The following RBMS3 variants were observed in gnomAD, a reference collection of about 807,000 sequenced individuals.
The protein encoded by RBMS3 is RNA binding motif single stranded interacting protein 3.
RBMS3 carries 27 observed loss-of-function variants against 66.8 expected under a neutral mutation model. The observed-to-expected ratio is 0.40, with a 90% CI of 0.30 to 0.56. RBMS3 has a LOEUF of 0.56. Ranked by LOEUF, RBMS3 falls within the 20% of genes least tolerant of loss-of-function variation. RBMS3 has a pLI of 0.40. For synonymous variants in RBMS3, 188 were observed against 183.0 expected, an observed-to-expected ratio of 1.03 and a Z score of -0.22; for missense variants, 513 against 549.5, an observed-to-expected ratio of 0.93 and a Z score of 0.66.
chr3:29,940,583 T>A (rs1355325165), intron 11 of RBMS3, among the ~76,000 whole-genome samples: 2 of 151,822 alleles, frequency 1.3e-5, no homozygotes, highest in African/African-American at 4.8e-5. Flanking sequence ...GCTAAAGGAA[T>A]TGTATTGGGC....
chr3:29,975,984 C>G (rs181198143), intron 12 of RBMS3, among the ~76,000 whole-genome samples: 1 of 151,810 alleles, frequency 6.6e-6, no homozygotes, highest in Admixed American at 6.6e-5. Context: ...ATATTTAGGT[C>G]TTATTTAATT....
At chr3:29,737,804 T>C (rs1169044206) in intron 4 of RBMS3, among the ~76,000 whole-genome samples, 1 of 151,434 alleles carries the variant, frequency 6.6e-6, no homozygotes, top group Admixed American at 6.6e-5. Context: ...CTGGTGGTGA[T>C]ATTGATGATG....
intron 1 of RBMS3, among the ~76,000 whole-genome samples, chr3:29,288,952 C>T (rs2032590885): frequency 6.6e-6 from 1 of 151,884 alleles, no homozygotes; most frequent in Non-Finnish European, 1.5e-5. Flanking sequence ...TTTCAAAAAG[C>T]CCCTGTTAGC....
intron 1 of RBMS3, among the ~76,000 whole-genome samples, chr3:29,292,038 A>C (rs1272832406): frequency 6.6e-6 from 1 of 151,722 alleles, no homozygotes; most frequent in Non-Finnish European, 1.5e-5. Context: ...AGACCTGAAA[A>C]TTCACACCAT....
At chr3:29,365,326 ATATATT>A (rs2037837739) in intron 1 of RBMS3, among the ~76,000 whole-genome samples, 1 of 151,964 alleles carries the variant, frequency 6.6e-6, no homozygotes, top group Admixed American at 6.6e-5. Context: ...AGATATATAT[ATATATT>A]CTTTAAAAAA....
chr3:29,590,090 A>AT (rs4016341), intron 4 of RBMS3, among the ~76,000 whole-genome samples: 38,541 of 150,752 alleles, frequency 0.26, 5,996 homozygotes, highest in Non-Finnish European at 0.35. Flanking sequence ...GAGTTTATTT[A>AT]TTTTTTTTTG....
intron 3 of RBMS3, among the ~76,000 whole-genome samples, chr3:29,523,499 T>C (rs549256570): frequency 9.2e-5 from 14 of 152,194 alleles, no homozygotes; most frequent in African/African-American, 3.4e-4. Flanking sequence ...ATCCACAGGG[T>C]CAAATATCCA....
chr3:29,981,121 C>G (rs970319876), intron 12 of RBMS3, among the ~76,000 whole-genome samples: 25 of 152,008 alleles, frequency 1.6e-4, no homozygotes, highest in Non-Finnish European at 3.4e-4. Flanking sequence ...AGCAGTGGTT[C>G]ATAGTTCTCC....
At chr3:29,696,939 GTTTT>G (rs771350017) in intron 4 of RBMS3, 63 of 981,794 alleles carry the variant, frequency 6.4e-5, no homozygotes, top group Non-Finnish European at 7.3e-5. Context: ...GGTCGTTTGG[GTTTT>G]TTTTAATTTT....
At chr3:29,546,662 A>G (rs551048877) in intron 3 of RBMS3, among the ~76,000 whole-genome samples, 1 of 152,218 alleles carries the variant, frequency 6.6e-6, no homozygotes, top group Non-Finnish European at 1.5e-5. Flanking sequence ...CTAGTAGCAC[A>G]GTGGGGATGC....
At chr3:29,606,237 G>T (rs1157345402) in intron 4 of RBMS3, among the ~76,000 whole-genome samples, 1 of 151,680 alleles carries the variant, frequency 6.6e-6, no homozygotes, top group African/African-American at 2.4e-5. Context: ...CAATCCCTTC[G>T]CATTGTCATA....
chr3:29,803,283 G>C (rs990477591), intron 6 of RBMS3, among the ~76,000 whole-genome samples: 3 of 152,036 alleles, frequency 2.0e-5, no homozygotes, highest in African/African-American at 7.2e-5. Context: ...ATAATAACCC[G>C]CGGCTATGCT....
At chr3:29,355,526 G>C (rs113745362) in intron 1 of RBMS3, among the ~76,000 whole-genome samples, 1 of 151,094 alleles carries the variant, frequency 6.6e-6, no homozygotes, top group African/African-American at 2.4e-5. Flanking sequence ...AACCAAACGA[G>C]GTGATTCCTT....
intron 6 of RBMS3, among the ~76,000 whole-genome samples, chr3:29,844,006 C>T (rs1003812928): frequency 4.2e-4 from 63 of 151,546 alleles, no homozygotes; most frequent in African/African-American, 1.5e-3. Context: ...TATAATTTTA[C>T]ATCTGGGGGA....
intron 12 of RBMS3, among the ~76,000 whole-genome samples, chr3:29,949,404 G>A (rs1419723800): frequency 6.6e-6 from 1 of 151,756 alleles, no homozygotes; most frequent in South Asian, 2.1e-4. Context: ...AGTGAGCATG[G>A]CTATATTTCA....
rs1173114349 is a variant in RBMS3 at position 29,585,365 on chromosome 3, C to T, written c.308-1749C>T. Among the ~76,000 whole-genome samples the T allele has an allele frequency of 2.0e-5, 3 of 152,210 alleles. No individual in the cohort carries two copies. In the East Asian group the frequency reaches 5.8e-4, roughly 29 times the overall value. On this transcript the variant is annotated intron_variant, in intron 3 of 14. Coordinates refer to ENST00000383767, the MANE Select transcript of RBMS3 (RefSeq NM_001003793.3). ...AGAATTGAGTCCTTTCTCTGATGGGCTTCAGAGGCTACTAGCATAGTTTAC... is the reference window on the plus strand; with the variant it reads ...AGAATTGAGTCCTTTCTCTGATGGGTTTCAGAGGCTACTAGCATAGTTTAC...
At chr3:29,773,481 A>C (rs769552566) in intron 6 of RBMS3, among the ~76,000 whole-genome samples, 1 of 152,082 alleles carries the variant, frequency 6.6e-6, no homozygotes, top group Non-Finnish European at 1.5e-5. Context: ...TTTTCTATTG[A>C]ACTGAGTGTG....
intron 3 of RBMS3, among the ~76,000 whole-genome samples, chr3:29,555,874 A>G (rs1447157829): frequency 3.6e-5 from 4 of 111,510 alleles, no homozygotes; most frequent in Admixed American, 8.2e-5. Context: ...CTGAGAAAAG[A>G]CATATTTCAA....
At chr3:29,948,950 C>T (rs989284765) in intron 12 of RBMS3, among the ~76,000 whole-genome samples, 2 of 151,652 alleles carry the variant, frequency 1.3e-5, no homozygotes, top group Non-Finnish European at 2.9e-5. Flanking sequence ...ATATGACAGA[C>T]ATCACAGGAG....
Sources: allele counts gnomAD v4.1 joint callset (sites outside exome capture counted in the v4.1 genomes callset), GRCh38; gene constraint gnomAD v4.1.1; transcripts MANE v1.5; gene names NCBI Gene and HGNC (gene_info 2026-07-23, HGNC 2026-07-21).